PRELID2: variants seen among roughly 807,000 people sequenced by gnomAD.
PRELID2 encodes the protein PRELI domain-containing protein 2.
Under a neutral mutation model 28.4 loss-of-function variants are expected in PRELID2, and 25 were observed. That is an observed-to-expected ratio of 0.88 (90% confidence interval 0.64 to 1.23). PRELID2 has a LOEUF of 1.23. Among genes scored for constraint, PRELID2 ranks in the 50% most tolerant of loss-of-function variants. The pLI is 0.00. For synonymous variants in PRELID2, 76 were observed against 71.6 expected (o/e 1.06, Z -0.31); for missense variants, 201 against 214.4 (o/e 0.94, Z 0.39).
intron 4 of PRELID2, among the ~76,000 whole-genome samples, chr5:145,803,532 CTGAAGCTCT>C (rs1753287856): frequency 6.6e-6 from 1 of 152,108 alleles, no homozygotes; most frequent in African/African-American, 2.4e-5. Flanking sequence ...TAGTAAGTTC[CTGAAGCTCT>C]GTGAAGTTCG....
chr5:145,296,065 G>A, the PRELID2 span, among the ~76,000 whole-genome samples: 2 of 152,044 alleles, frequency 1.3e-5, no homozygotes, highest in African/African-American at 4.8e-5. Flanking sequence ...AAATCTCAGT[G>A]ACAACAGAAG....
chr5:145,299,068 GAAT>G, the PRELID2 span, among the ~76,000 whole-genome samples: 1 of 151,898 alleles, frequency 6.6e-6, no homozygotes, highest in Non-Finnish European at 1.5e-5. Context: ...AGACAAAACA[GAAT>G]AATTAACTCC....
chr5:145,298,009 A>C, the PRELID2 span, among the ~76,000 whole-genome samples: 1 of 152,190 alleles, frequency 6.6e-6, no homozygotes, highest in Non-Finnish European at 1.5e-5. Context: ...TCTCATGGGT[A>C]GGAAGAATCA....
chr5:145,396,485 T>A, the PRELID2 span, among the ~76,000 whole-genome samples: 1 of 133,980 alleles, frequency 7.5e-6, no homozygotes, highest in Non-Finnish European at 1.6e-5. Context: ...TTTCACAGAT[T>A]GTAAAAAAAA....
intron 1 of PRELID2, among the ~76,000 whole-genome samples, chr5:145,702,900 A>G (rs1755442891): frequency 1.3e-5 from 2 of 152,248 alleles, no homozygotes; most frequent in Non-Finnish European, 2.9e-5. Flanking sequence ...TGTTAAAGGT[A>G]GATCTTAAGG....
At chr5:145,819,245 G>A in intron 3 of PRELID2, 1 of 677,622 alleles carries the variant, frequency 1.5e-6, no homozygotes. Flanking sequence ...TCTCTCTTGG[G>A]TTGAAACTAC....
At chr5:145,717,410 T>C (rs2149714679) in intron 1 of PRELID2, among the ~76,000 whole-genome samples, 1 of 152,238 alleles carries the variant, frequency 6.6e-6, no homozygotes, top group African/African-American at 2.4e-5. Flanking sequence ...AAATGGTTAA[T>C]TTTATGGTAT....
chr5:145,614,670 C>T (rs1254763216), intron 1 of PRELID2, among the ~76,000 whole-genome samples: 1 of 152,118 alleles, frequency 6.6e-6, no homozygotes, highest in Admixed American at 6.5e-5. Flanking sequence ...GATTTGTGTA[C>T]ATTAATCTTG....
chr5:145,426,177 T>C, the PRELID2 span, among the ~76,000 whole-genome samples: 4 of 152,208 alleles, frequency 2.6e-5, no homozygotes, highest in Non-Finnish European at 5.9e-5. Context: ...GTGGTTTGCC[T>C]GCAGGGTTTT....
chr5:145,475,139 G>C (rs577507577), intron 1 of PRELID2, among the ~76,000 whole-genome samples: 3 of 152,308 alleles, frequency 2.0e-5, no homozygotes, highest in African/African-American at 7.2e-5. Context: ...GCTTAGTAGA[G>C]TGGCTGGCAT....
intron 1 of PRELID2, among the ~76,000 whole-genome samples, chr5:145,492,050 C>T (rs532593991): frequency 2.9e-4 from 44 of 152,216 alleles, no homozygotes; most frequent in African/African-American, 9.6e-4. Flanking sequence ...TCCTTTGGAT[C>T]CCAGTAGTGG....
chr5:145,617,842 T>G (rs1452635935), intron 1 of PRELID2, among the ~76,000 whole-genome samples: 3 of 151,932 alleles, frequency 2.0e-5, no homozygotes, highest in African/African-American at 7.3e-5. Flanking sequence ...CAAGTGATGC[T>G]CCTGCCTCAG....
chr5:145,808,045 G>T (rs1472090192), intron 4 of PRELID2, among the ~76,000 whole-genome samples: 1 of 152,096 alleles, frequency 6.6e-6, no homozygotes, highest in African/African-American at 2.4e-5. Context: ...TCACTGCTTG[G>T]CTCTTCATAA....
chr5:145,445,510 CA>C, the PRELID2 span, among the ~76,000 whole-genome samples: 1 of 151,750 alleles, frequency 6.6e-6, no homozygotes, highest in Non-Finnish European at 1.5e-5. Flanking sequence ...AAAACAAAAA[CA>C]AAAATAAACA....
At chr5:145,525,695 G>A (rs986521841) in intron 1 of PRELID2, among the ~76,000 whole-genome samples, 3 of 151,966 alleles carry the variant, frequency 2.0e-5, no homozygotes, top group Admixed American at 6.6e-5. Context: ...CAGAGGATTC[G>A]GTTTACTCTC....
At chr5:145,426,691 G>T in the PRELID2 span, among the ~76,000 whole-genome samples, 2 of 152,040 alleles carry the variant, frequency 1.3e-5, no homozygotes, top group African/African-American at 4.8e-5. Context: ...TTACAGGTGA[G>T]AAAACAACAA....
At chr5:145,283,460 G>C in the PRELID2 span, among the ~76,000 whole-genome samples, 1 of 152,286 alleles carries the variant, frequency 6.6e-6, no homozygotes, top group South Asian at 2.1e-4. Context: ...TTGGAAATCT[G>C]TGTTTAGAAG....
At chr5:145,440,654 T>C in the PRELID2 span, among the ~76,000 whole-genome samples, 1 of 152,080 alleles carries the variant, frequency 6.6e-6, no homozygotes, top group Non-Finnish European at 1.5e-5. Flanking sequence ...AGTAAATTAA[T>C]TCCTCAGAAT....
chr5:145,621,158 A>C (rs1326869307), intron 1 of PRELID2, among the ~76,000 whole-genome samples: 2 of 152,248 alleles, frequency 1.3e-5, no homozygotes, highest in Non-Finnish European at 2.9e-5. Context: ...GTAGATATAC[A>C]AATGGCTAAG....
Sources: gnomAD v4.1 joint callset for allele counts (sites outside exome capture counted in the v4.1 genomes callset) on GRCh38, gnomAD v4.1.1 for gene constraint, MANE v1.5 for transcripts, NCBI Gene and HGNC (gene_info 2026-07-23, HGNC 2026-07-21) for gene names.